The following ICA1 variants were observed in gnomAD, a reference collection of about 807,000 sequenced individuals.
ICA1 encodes the protein islet cell autoantigen 1, also known as 69 kDa islet cell autoantigen.
ICA1 carries 40 observed loss-of-function variants against 71.0 expected under a neutral mutation model. The observed-to-expected ratio is 0.56, with a 90% CI of 0.44 to 0.73. The LOEUF (loss-of-function observed/expected upper bound fraction) is 0.73, where lower values mean the gene tolerates loss of function less well. Among genes scored for constraint, ICA1 ranks in the 30% least tolerant of loss-of-function variants. The pLI is 0.00. For missense variants in ICA1, 578 were observed against 576.5 expected (o/e 1.00, Z -0.03); for synonymous variants, 207 against 209.5 (o/e 0.99, Z 0.10).
intron 6 of ICA1, among the ~76,000 whole-genome samples, chr7:8,205,933 G>A (rs1012134036): frequency 6.6e-6 from 1 of 152,180 alleles, no homozygotes; most frequent in African/African-American, 2.4e-5. Context: ...AATCCAACTC[G>A]AAGGCCTGGA....
rs190193555 is a variant in ICA1, at chr7:8,185,941, T to C, written c.580-27289A>G. Reference sequence around the variant, plus strand: ...GATGCTACAGGAAACACTTTGTTAATCAGACACAGTTTCTTTCTTCAAGGG... The same window carrying C: ...GATGCTACAGGAAACACTTTGTTAACCAGACACAGTTTCTTTCTTCAAGGG... On this transcript the variant is annotated intron_variant, in intron 6 of 13. Coordinates refer to ENST00000402384, the MANE Select transcript of ICA1 (RefSeq NM_001136020.3). Among the ~76,000 whole-genome samples the C allele has an allele frequency of 2.6e-5, 4 of 152,330 alleles. No homozygotes were observed. The East Asian group carries it at 7.7e-4, about 29-fold the overall frequency.
rs1779473810 is a variant in ICA1, at chr7:8,173,316, C to T, written c.580-14664G>A. On this transcript the variant is annotated intron_variant, in intron 6 of 13. Transcript: ENST00000402384. This position sits in a 1 kb window ranked among gnomAD's most constrained non-coding sequence, Gnocchi z 4.0. ...GACTCAGGAGTCAACCTAAGAGACT[C>T]CCACTAGCCAAAAATGAGACATTGT... Among the ~76,000 whole-genome samples, 1 of 152,110 alleles carries T rather than the reference C, an allele frequency of 6.6e-6. No individual in the cohort carries two copies. Among genetic ancestry groups the T allele is most frequent in the African/African-American group, 2.4e-5 (1 of 41,396 alleles).
intron 6 of ICA1, among the ~76,000 whole-genome samples, chr7:8,187,491 G>C (rs1369212581): frequency 1.3e-5 from 2 of 152,184 alleles, no homozygotes; most frequent in African/African-American, 4.8e-5. Flanking sequence ...TGAATGTGAA[G>C]GCCCAGGACA....
In ICA1 at chr7:8,130,147, C is replaced by T. The variant is rs578128866; in HGVS notation, c.1061-2005G>A. ...GGTTCCAAGTCTTTGCTGCTAGTGC[C>T]GCAATAAACATACGTGGGCATGTGT... On this transcript the variant is annotated intron_variant, in intron 12 of 13. Transcript: ENST00000402384. This position sits in a 1 kb window ranked among gnomAD's most constrained non-coding sequence, Gnocchi z 4.2. Among the ~76,000 whole-genome samples, 6 of 152,158 alleles carry T rather than the reference C, an allele frequency of 3.9e-5. No individual in the cohort carries two copies. The East Asian group carries it at 5.8e-4, about 15-fold the overall frequency.
chr7:8,244,962 G>C (rs1805413510), intron 1 of ICA1, among the ~76,000 whole-genome samples: 1 of 152,138 alleles, frequency 6.6e-6, no homozygotes, highest in Non-Finnish European at 1.5e-5. Flanking sequence ...CTGTTGGTGG[G>C]GAGTGTAAAC....
intron 12 of ICA1, among the ~76,000 whole-genome samples, chr7:8,135,768 A>G (rs1793201377): frequency 6.6e-6 from 1 of 152,364 alleles, no homozygotes; most frequent in South Asian, 2.1e-4. Context: ...TTTAGAATAT[A>G]GACAATTAAA....
rs528078242 is a variant in ICA1, at chr7:8,198,923, T to C, written c.579+19382A>G. Among the ~76,000 whole-genome samples the C allele has an allele frequency of 1.4e-4, 22 of 152,242 alleles. No homozygotes were observed. In the South Asian group the frequency reaches 3.9e-3, roughly 27 times the overall value. On this transcript the variant is annotated intron_variant, in intron 6 of 13. Coordinates refer to ENST00000402384, the MANE Select transcript of ICA1 (RefSeq NM_001136020.3). ...TAGGAAAAAATCTAATAATCTGATA[T>C]AAAAGTGGGCAAAAGATTTGAATAG...
intron 1 of ICA1, among the ~76,000 whole-genome samples, chr7:8,261,344 G>C (rs911812945): frequency 6.6e-6 from 1 of 152,164 alleles, no homozygotes; most frequent in Admixed American, 6.5e-5. Flanking sequence ...TTGGGGGAAA[G>C]GCAGACATAA....
intron 13 of ICA1, 140 bp from the exon 14 acceptor site, chr7:8,114,184 G>T (rs1784046198): frequency 3.3e-6 from 3 of 920,106 alleles, no homozygotes; most frequent in South Asian, 3.2e-5. Flanking sequence ...TCTGACAATA[G>T]TTAGGGAATT....
chr7:8,212,030 CA>C (rs1793966816), intron 6 of ICA1, among the ~76,000 whole-genome samples: 1 of 152,158 alleles, frequency 6.6e-6, no homozygotes, highest in Non-Finnish European at 1.5e-5. Flanking sequence ...AAATATTACC[CA>C]TTTGTAAATA....
rs1307756501 is a variant in ICA1 at position 8,144,940 on chromosome 7, G to A, written c.805-968C>T. 1.3e-5 allele frequency among the ~76,000 whole-genome samples: 2 copies of A among 152,024 alleles called. No individual in the cohort carries two copies. The highest frequency in any genetic ancestry group is 2.9e-5 in the Non-Finnish European group (2 of 68,014). ...ACATAGGAGGCAATCAGGTTTCATG[G>A]CCAATTCTGATTGATTAGTACTGGC... is the stretch of plus-strand genomic sequence containing the variant. On this transcript the variant is annotated intron_variant, in intron 8 of 13. Coordinates refer to ENST00000402384, the MANE Select transcript of ICA1 (RefSeq NM_001136020.3). The surrounding 1 kb of genome is among the most constrained non-coding windows in gnomAD (Gnocchi z 4.5).
intron 6 of ICA1, among the ~76,000 whole-genome samples, chr7:8,177,687 T>C (rs1298310303): frequency 1.3e-5 from 2 of 152,250 alleles, no homozygotes; most frequent in Non-Finnish European, 2.9e-5. Flanking sequence ...AGTTTTATTA[T>C]GCTTATTGAT....
intron 6 of ICA1, among the ~76,000 whole-genome samples, chr7:8,205,285 T>C (rs1049700441): frequency 2.6e-5 from 4 of 152,130 alleles, no homozygotes; most frequent in African/African-American, 2.4e-5. Flanking sequence ...GAGGAAGATA[T>C]GCAGATCTTT....
rs565311459 is a variant in ICA1, at chr7:8,172,106, A to G, written c.580-13454T>C. On this transcript the variant is annotated intron_variant, in intron 6 of 13. Coordinates refer to ENST00000402384, the MANE Select transcript of ICA1 (RefSeq NM_001136020.3). Reference sequence around the variant, plus strand: ...TGAATGGAACATTCTGTAAATGTCAATGAAGTCAAGGTAGCTGACAGTCTT... The same window carrying G: ...TGAATGGAACATTCTGTAAATGTCAGTGAAGTCAAGGTAGCTGACAGTCTT... Among the ~76,000 whole-genome samples the G allele has an allele frequency of 5.3e-5, 8 of 152,190 alleles. No homozygotes were observed. In the South Asian group the frequency reaches 8.3e-4, roughly 16 times the overall value.
At chr7:8,208,753 C>A (rs1239979391) in intron 6 of ICA1, among the ~76,000 whole-genome samples, 2 of 152,142 alleles carry the variant, frequency 1.3e-5, no homozygotes, top group African/African-American at 2.4e-5. Context: ...TCAGGAGCTA[C>A]CAAAAAGAGA....
At chr7:8,151,520 A>C (rs10280313) in intron 8 of ICA1, among the ~76,000 whole-genome samples, 125,015 of 152,222 alleles carry the variant, frequency 0.82, 51,512 homozygotes, top group East Asian at 0.97. Context: ...AGTAATGACA[A>C]TGAGAGAAAA....
chr7:8,117,564 C>A (rs1785185434), intron 13 of ICA1, among the ~76,000 whole-genome samples: 1 of 152,218 alleles, frequency 6.6e-6, no homozygotes, highest in Non-Finnish European at 1.5e-5. Context: ...CTCCAAAATA[C>A]TTAACACAGC....
chr7:8,175,300 G>C (rs552747737), intron 6 of ICA1, among the ~76,000 whole-genome samples: 6 of 152,034 alleles, frequency 3.9e-5, no homozygotes, highest in African/African-American at 1.4e-4. Context: ...TGGCTAAGAC[G>C]GTTAATCATC....
At chr7:8,227,674 T>C (rs1255158973) in intron 4 of ICA1, 1 of 427,036 alleles carries the variant, frequency 2.3e-6, no homozygotes, top group Non-Finnish European at 4.6e-6. Flanking sequence ...CGGCTCATTA[T>C]AGGTCACTGT....
Sources: allele counts gnomAD v4.1 joint callset (sites outside exome capture counted in the v4.1 genomes callset), GRCh38; gene constraint gnomAD v4.1.1; non-coding constraint Gnocchi (gnomAD v3.1); transcripts MANE v1.5; gene names NCBI Gene and HGNC (gene_info 2026-07-23, HGNC 2026-07-21).